The following SCNN1A variants were observed in gnomAD, a reference collection of about 807,000 sequenced individuals.
SCNN1A encodes epithelial sodium channel subunit alpha.
A neutral mutation model predicts 68.6 loss-of-function variants in SCNN1A; 65 were observed. The observed-to-expected ratio is 0.95, with a 90% CI of 0.78 to 1.16. The LOEUF (loss-of-function observed/expected upper bound fraction) is 1.16, where lower values mean the gene tolerates loss of function less well. Ranked by LOEUF, SCNN1A falls within the 50% of genes most tolerant of loss-of-function variation. The probability of loss-of-function intolerance (pLI) is 0.00; values close to 1 mark genes in which losing one functional copy is unlikely to be tolerated. For synonymous variants in SCNN1A, 357 were observed against 353.3 expected, an observed-to-expected ratio of 1.01 and a Z score of -0.12; for missense variants, 880 against 865.9, an observed-to-expected ratio of 1.02 and a Z score of -0.20.
intron 2 of SCNN1A, among the ~76,000 whole-genome samples, chr12:6,368,134 TAAAAG>T (rs1228471632): frequency 1.3e-5 from 2 of 152,374 alleles, no homozygotes; most frequent in Admixed American, 6.5e-5. Flanking sequence ...ATTTAATTGT[TAAAAG>T]AAAAACTTTA....
chr12:6,354,856 C>A lies in SCNN1A; in HGVS notation c.1144-8G>T, dbSNP rs1304743594. 6.2e-7 allele frequency: 1 copy of A among 1,606,814 alleles called. No homozygotes were observed. Among genetic ancestry groups the A allele is most frequent in the East Asian group, 2.2e-5 (1 of 44,852 alleles). On this transcript the variant is annotated splice_polypyrimidine_tract_variant and splice_region_variant and intron_variant, in intron 6 of 12. Coordinates refer to ENST00000228916, the MANE Select transcript of SCNN1A (RefSeq NM_001038.6). ...AAGTCTGTCCAGGGTTTCCTATGAA[C>A]CCACATACACCAAGAGATCAGAGGA... is the stretch of plus-strand genomic sequence containing the variant.
At position 6,355,853 on chromosome 12, in the gene SCNN1A, C is replaced by G. The variant is rs750994375; in HGVS notation, c.903G>C (p.Met301Ile). 4 of 1,612,602 alleles carry G rather than the reference C, an allele frequency of 2.5e-6. No individual in the cohort carries two copies. The African/African-American group carries it at 4.0e-5, about 16-fold the overall frequency. ...QANYSHFHHPMYGNCYTFNDK... is the reference protein window; with the variant it reads ...QANYSHFHHPIYGNCYTFNDK... ...CATTGAAAGTATAGCAGTTTCCATA[C>G]ATCGGGTGGTGGAAGTGAGAGTAAT... The change falls in exon 5 of 13, where the codon ATG (methionine) becomes ATC (isoleucine). Residue 301 changes from methionine (M) to isoleucine (I), a missense_variant. Physicochemically the swap from Met to Ile is conservative, Grantham distance 10 (BLOSUM62 1). This residue lies in a region of SCNN1A where 758 missense variants were observed against 721.8 expected (regional missense o/e 1.05). Transcript: ENST00000228916.
In SCNN1A at chr12:6,363,450, A is replaced by G. The variant is rs1474151114; in HGVS notation, c.677T>C (p.Phe226Ser). 1.3e-6 allele frequency: 2 copies of G among 1,586,024 alleles called. No individual in the cohort carries two copies. The highest frequency in any genetic ancestry group is 2.2e-4 in the Middle Eastern group (1 of 4,510). ...QVDWKDWKIG[F>S]QLCNQNKSDC... The stretch of plus-strand genomic sequence containing the variant: ...CGGCGCTGCGGGCCTCACCAGCTGG[A>G]AGCCGATCTTCCAGTCCTTCCAGTC... The change falls in exon 3 of 13, where the codon TTC (phenylalanine) becomes TCC (serine). Residue 226 changes from phenylalanine to serine, a missense_variant. Around this residue, in one of 3 missense-constraint regions of SCNN1A, gnomAD observed 758 missense variants for 721.8 expected, o/e 1.05. Transcript: ENST00000228916.
In SCNN1A at chr12:6,348,939, G is replaced by T; in HGVS notation, c.1553+11C>A. 1 of 1,613,662 alleles carries T rather than the reference G, an allele frequency of 6.2e-7. No individual in the cohort carries two copies. Among genetic ancestry groups the T allele is most frequent in the Non-Finnish European group, 8.5e-7 (1 of 1,179,650 alleles). On this transcript the variant is annotated intron_variant, in intron 11 of 12. Transcript: ENST00000228916. ...TTCCCTTCTTGTGGCTGGGACCAGG[G>T]CAGGACTGACCTCTTGTTGTTGACG... is the stretch of plus-strand genomic sequence containing the variant.
intron 2 of SCNN1A, among the ~76,000 whole-genome samples, chr12:6,365,040 T>C (rs1481164420): frequency 6.6e-6 from 1 of 151,612 alleles, no homozygotes; most frequent in Non-Finnish European, 1.5e-5. Context: ...TTTTTTTTTT[T>C]TGGACAGGAT....
At chr12:6,376,606 C>A (rs1948914624), upstream of SCNN1A, among the ~76,000 whole-genome samples, 10 of 152,234 alleles carry the variant, frequency 6.6e-5, no homozygotes, top group Admixed American at 6.5e-4. Flanking sequence ...TCTCCAAAAT[C>A]TCTTTCCAAA....
At chr12:6,354,587 G>A (rs368974231) in intron 7 of SCNN1A, 32 bp from the exon 8 acceptor site, 37 of 1,532,786 alleles carry the variant, frequency 2.4e-5, no homozygotes, top group East Asian at 6.7e-5. Flanking sequence ...AGGAGAGGGG[G>A]TTCAGGCCTG....
intron 12 of SCNN1A, 25 bp from the exon 13 acceptor site, chr12:6,348,278 G>A (rs1363971071): frequency 1.2e-5 from 20 of 1,613,644 alleles, no homozygotes; most frequent in Non-Finnish European, 1.7e-5. Flanking sequence ...GTACATTGAC[G>A]ATGGGACAGA....
chr12:6,357,797 G>C (rs1399430756), intron 4 of SCNN1A, among the ~76,000 whole-genome samples: 1 of 152,002 alleles, frequency 6.6e-6, no homozygotes, highest in Non-Finnish European at 1.5e-5. Flanking sequence ...TCAGGAGTTT[G>C]AGACCAGCCT....
At chr12:6,353,043 A>G (rs1479100839) in intron 8 of SCNN1A, among the ~76,000 whole-genome samples, 2 of 152,214 alleles carry the variant, frequency 1.3e-5, no homozygotes, top group Non-Finnish European at 2.9e-5. Context: ...AACTCCAGGA[A>G]TGCAAACCCT....
At chr12:6,370,162 G>A (rs960499716) in intron 2 of SCNN1A, among the ~76,000 whole-genome samples, 1 of 152,150 alleles carries the variant, frequency 6.6e-6, no homozygotes, top group African/African-American at 2.4e-5. Context: ...AATTCCATCG[G>A]GCAGGCATTA....
chr12:6,354,753 C>T lies in SCNN1A; in HGVS notation c.1239G>A (p.Gln413=). 6.2e-7 allele frequency: 1 copy of T among 1,613,256 alleles called. No homozygotes were observed. Among genetic ancestry groups the T allele is most frequent in the Non-Finnish European group, 8.5e-7 (1 of 1,179,300 alleles). ...VENLYPSKYT[Q]QVCIHSCFQE... is the part of the protein sequence containing the mutation. The stretch of plus-strand genomic sequence containing the variant: ...ACGGAATCAGGTTGGGCCTCACCTG[C>T]TGTGTGTACTTTGAAGGGTAAAGGT... The change falls in exon 7 of 13, where the codon CAG becomes CAA. Residue 413 remains glutamine (Q), a synonymous_variant. Transcript: ENST00000228916.
intron 8 of SCNN1A, chr12:6,354,026 T>C (rs188437559): frequency 5.4e-4 from 115 of 213,490 alleles, no homozygotes; most frequent in Non-Finnish European, 7.5e-4. Context: ...GTCAGGAGAT[T>C]GAGACCATCC....
chr12:6,349,388 G>A lies in SCNN1A; in HGVS notation c.1378C>T (p.Leu460Phe). The A allele has an allele frequency of 6.3e-7, 1 of 1,597,712 alleles. No homozygotes were observed. Among genetic ancestry groups the A allele is most frequent in the Non-Finnish European group, 8.5e-7 (1 of 1,171,524 alleles). ...TGGTCTGAGGAGAAGTCAACCTGGA[G>A]CTTATAGTAGCAGTACCCTGTGGGT... is the stretch of plus-strand genomic sequence containing the variant. ...HSSWGYCYYK[L>F]QVDFSSDHLG... The change falls in exon 9 of 13, where the codon CTC (leucine) becomes TTC (phenylalanine). Residue 460 changes from leucine (L) to phenylalanine (F), a missense_variant. By Grantham distance (22) the Leu-to-Phe change is conservative. This residue lies in a region of SCNN1A where 758 missense variants were observed against 721.8 expected (regional missense o/e 1.05). Transcript: ENST00000228916.
At chr12:6,377,271 C>A, upstream of SCNN1A, 1 of 1,550,864 alleles carries the variant, frequency 6.4e-7, no homozygotes, top group Non-Finnish European at 8.7e-7. Context: ...GCTCATGATA[C>A]CTCCCCTTGG....
At chr12:6,363,192 C>T (rs1262305694) in intron 3 of SCNN1A, among the ~76,000 whole-genome samples, 1 of 151,602 alleles carries the variant, frequency 6.6e-6, no homozygotes, top group East Asian at 2.0e-4. Context: ...ATTTGACTTC[C>T]TACCCCTGAA....
At chr12:6,361,825 T>G (rs945001913) in intron 4 of SCNN1A, among the ~76,000 whole-genome samples, 1 of 152,246 alleles carries the variant, frequency 6.6e-6, no homozygotes, top group Non-Finnish European at 1.5e-5. Context: ...CAAGGCATCC[T>G]GTGAGGCCAC....
Position 6,347,825 on chromosome 12 carries a change from C to A in SCNN1A, c.*48G>T. The A allele has an allele frequency of 1.3e-6, 2 of 1,526,912 alleles. No individual in the cohort carries two copies. Among genetic ancestry groups the A allele is most frequent in the Non-Finnish European group, 1.8e-6 (2 of 1,112,040 alleles). The allele number at this position is 1,526,912 out of a possible 1,614,324, so 94.6% of individuals were successfully genotyped here. On this transcript the variant is annotated 3_prime_UTR_variant, in exon 13 of 13. Coordinates refer to ENST00000228916, the MANE Select transcript of SCNN1A (RefSeq NM_001038.6). Reference sequence around the variant, plus strand: ...TCAATCTTGCCAGGGCCAGCACCCTCCCACCAGAGGAGCATCTGCCTTGGT... The same window carrying A: ...TCAATCTTGCCAGGGCCAGCACCCTACCACCAGAGGAGCATCTGCCTTGGT...
chr12:6,362,222 T>C lies in SCNN1A; in HGVS notation c.704A>G (p.Asp235Gly), dbSNP rs1350694942. The C allele has an allele frequency of 2.5e-6, 4 of 1,614,124 alleles. No individual in the cohort carries two copies. Among genetic ancestry groups the C allele is most frequent in the East Asian group, 2.2e-5 (1 of 44,866 alleles). ...GFQLCNQNKS[D>G]CFYQTYSSGV... is the part of the protein sequence containing the mutation. ...TGATGAGTATGTCTGGTAGAAGCAG[T>C]CCGATTTGTTCTGGTTGCACTGGAC... The change falls in exon 4 of 13, where the codon GAC (aspartate) becomes GGC (glycine). Residue 235 changes from aspartate to glycine, a missense_variant. Asp to Gly is a moderately conservative substitution (Grantham distance 94). This residue lies in a region of SCNN1A where 758 missense variants were observed against 721.8 expected (regional missense o/e 1.05). Coordinates refer to ENST00000228916, the MANE Select transcript of SCNN1A (RefSeq NM_001038.6).
Sources: gnomAD v4.1 joint callset for allele counts (sites outside exome capture counted in the v4.1 genomes callset) on GRCh38, gnomAD v4.1.1 for gene constraint, gnomAD v4.1.1 regional missense constraint, MANE v1.5 for transcripts, NCBI Gene and HGNC (gene_info 2026-07-23, HGNC 2026-07-21) for gene names.